Variants in CNOT1 observed in about 807,000 individuals in gnomAD.
CNOT1 encodes the protein CCR4-associated factor 1.
In CNOT1, 15 loss-of-function variants were observed where a neutral mutation model predicts 273.8. The ratio of observed to expected loss-of-function variants is 0.05; its 90% CI spans 0.04 to 0.08. The LOEUF (loss-of-function observed/expected upper bound fraction) is 0.08, where lower values mean the gene tolerates loss of function less well. CNOT1 is among the 10% of genes least tolerant of loss of function. The pLI is 1.00. For missense variants in CNOT1, 1,644 were observed against 2,912.2 expected (o/e 0.56, Z 10.02); for synonymous variants, 1,022 against 1,005.5 (o/e 1.02, Z -0.31).
intron 39 of CNOT1, among the ~76,000 whole-genome samples, chr16:58,535,434 A>C (rs1206005125): frequency 1.3e-5 from 2 of 152,224 alleles, no homozygotes; most frequent in Admixed American, 6.5e-5. Context: ...AAAGGATACA[A>C]AACAGCACAG....
intron 1 of CNOT1, among the ~76,000 whole-genome samples, chr16:58,600,763 C>G (rs924399391): frequency 1.3e-5 from 2 of 152,178 alleles, no homozygotes; most frequent in Non-Finnish European, 2.9e-5. Context: ...ATCAGTTTAA[C>G]TCCAACCACC....
chr16:58,534,521 A>C, intron 39 of CNOT1, 126 bp from the exon 40 acceptor site: 1 of 1,071,030 alleles, frequency 9.3e-7, no homozygotes, highest in Non-Finnish European at 1.3e-6. Context: ...TAATTCTTAC[A>C]TTGTAATAAA....
chr16:58,537,842 A>G (rs1184272070), intron 38 of CNOT1, 49 bp downstream of exon 38: 3 of 1,605,710 alleles, frequency 1.9e-6, no homozygotes, highest in East Asian at 2.2e-5. Context: ...TCCTAAAGAT[A>G]TTAGAAGACT....
At chr16:58,566,157 T>G (rs754065274) in intron 16 of CNOT1, among the ~76,000 whole-genome samples, 6 of 152,214 alleles carry the variant, frequency 3.9e-5, no homozygotes, top group Non-Finnish European at 8.8e-5. Flanking sequence ...CTGAAGTTGT[T>G]TTCCCCCTTT....
At chr16:58,553,733 C>G (rs1281591507) in intron 22 of CNOT1, 49 bp downstream of exon 22, 7 of 1,573,100 alleles carry the variant, frequency 4.4e-6, no homozygotes, top group Non-Finnish European at 6.0e-6. Context: ...ATATTAAACC[C>G]TCCAAATACT....
chr16:58,543,386 C>G (rs1373588479), intron 31 of CNOT1: 26 of 1,524,874 alleles, frequency 1.7e-5, no homozygotes, highest in Non-Finnish European at 2.1e-5. Flanking sequence ...TACTATCTGT[C>G]AAACATCGTG....
At chr16:58,620,653 TAAAAAAAAAA>T (rs200053031) in intron 1 of CNOT1, among the ~76,000 whole-genome samples, 28 of 106,824 alleles carry the variant, frequency 2.6e-4, no homozygotes, top group Admixed American at 9.4e-4. Context: ...CTGTCTCATT[TAAAAAAAAAA>T]AAAAAAAAAA....
intron 23 of CNOT1, 94 bp downstream of exon 23, chr16:58,551,495 G>T: frequency 2.2e-6 from 3 of 1,369,774 alleles, no homozygotes; most frequent in Non-Finnish European, 3.1e-6. Flanking sequence ...TTTTTAGTAG[G>T]CATGTGTTAT....
At position 58,555,280 on chromosome 16, in the gene CNOT1, C is replaced by A. The variant is rs762002808; in HGVS notation, c.2862G>T (p.Gly954=). 18 of 1,614,094 alleles carry A rather than the reference C, an allele frequency of 1.1e-5. 1 individual carries two copies. The Middle Eastern group carries it at 6.6e-4, about 59-fold the overall frequency. Residue 954 remains glycine, a synonymous_variant, in exon 21 of 49, where the codon GGG becomes GGT. Coordinates refer to ENST00000317147, the MANE Select transcript of CNOT1 (RefSeq NM_016284.5). ...KPFGSKMYYF[G]IAALDRFKNR... is the part of the protein sequence containing the mutation. Reference sequence around the variant, plus strand: ...TTTTAAATCTATCTAGTGCAGCAATCCCGAAATAATACATTTTGGATCCAA... The same window carrying A: ...TTTTAAATCTATCTAGTGCAGCAATACCGAAATAATACATTTTGGATCCAA...
At chr16:58,593,276 T>C (rs560492756) in intron 2 of CNOT1, among the ~76,000 whole-genome samples, 12 of 151,860 alleles carry the variant, frequency 7.9e-5, no homozygotes, top group Non-Finnish European at 1.5e-4. Flanking sequence ...ATACAAAAAA[T>C]TGGCCGGGCG....
At chr16:58,621,209 A>C (rs896496287) in intron 1 of CNOT1, among the ~76,000 whole-genome samples, 3 of 151,934 alleles carry the variant, frequency 2.0e-5, no homozygotes, top group Non-Finnish European at 4.4e-5. Flanking sequence ...TGATTTGTAC[A>C]CCTCTGCCTC....
chr16:58,619,410 A>G (rs1218536908), intron 1 of CNOT1, among the ~76,000 whole-genome samples: 3 of 151,714 alleles, frequency 2.0e-5, no homozygotes, highest in South Asian at 2.1e-4. Flanking sequence ...TTTTGGTCAC[A>G]CTAGAGTTTT....
At chr16:58,596,909 A>G (rs899932028) in intron 2 of CNOT1, among the ~76,000 whole-genome samples, 1 of 147,490 alleles carries the variant, frequency 6.8e-6, no homozygotes, top group Non-Finnish European at 1.5e-5. Flanking sequence ...AAAAAAAAAA[A>G]AAAAAAAACA....
In CNOT1 at chr16:58,558,644, T is replaced by G; in HGVS notation, c.2161A>C (p.Ser721Arg). The G allele has an allele frequency of 6.2e-7, 1 of 1,613,764 alleles. No individual in the cohort carries two copies. Among genetic ancestry groups the G allele is most frequent in the Non-Finnish European group, 8.5e-7 (1 of 1,179,894 alleles). The change falls in exon 18 of 49, where the codon AGT (serine) becomes CGT (arginine). Residue 721 changes from serine (S) to arginine (R), a missense_variant. By Grantham distance (110) the Ser-to-Arg change is moderately radical. Coordinates refer to ENST00000317147, the MANE Select transcript of CNOT1 (RefSeq NM_016284.5). ...TGAGGGGCAGCTGAACCACCTATACTAAGAGATGTCATTCCAGCAAGAGGG... is the reference window on the plus strand; with the variant it reads ...TGAGGGGCAGCTGAACCACCTATACGAAGAGATGTCATTCCAGCAAGAGGG... ...IDPLAGMTSL[S>R]IGGSAAPHTQ...
chr16:58,580,611 A>G, intron 12 of CNOT1, 22 bp downstream of exon 12: 2 of 1,596,410 alleles, frequency 1.3e-6, no homozygotes, highest in Admixed American at 3.6e-5. Flanking sequence ...CTTTTAAATG[A>G]AAGATGAATC....
Position 58,550,290 on chromosome 16 carries a change from T to C in CNOT1, c.3343-392A>G, listed in dbSNP as rs143414632. 2.6e-5 allele frequency among the ~76,000 whole-genome samples: 4 copies of C among 152,342 alleles called. 1 individual carries two copies. The highest frequency in any genetic ancestry group is 9.6e-5 in the African/African-American group (4 of 41,586). On this transcript the variant is annotated intron_variant, in intron 24 of 48. Coordinates refer to ENST00000317147, the MANE Select transcript of CNOT1 (RefSeq NM_016284.5). ...AGGAATCCTTAGCTAACTCTGGCGT[T>C]TCCAAGTACAGTTAGTTGACCCTTG...
At chr16:58,566,306 A>G (rs2041040856) in intron 16 of CNOT1, among the ~76,000 whole-genome samples, 1 of 152,238 alleles carries the variant, frequency 6.6e-6, no homozygotes, top group African/African-American at 2.4e-5. Context: ...AGTTGAAATA[A>G]CTTTCCTTCT....
At chr16:58,571,853 C>A (rs1470459635) in intron 16 of CNOT1, among the ~76,000 whole-genome samples, 5 of 152,024 alleles carry the variant, frequency 3.3e-5, no homozygotes, top group Non-Finnish European at 1.5e-5. Flanking sequence ...TGGTGAGCAC[C>A]TGTAATCCCA....
chr16:58,538,096 CACTT>C (rs1387426613), intron 37 of CNOT1, 36 bp from the exon 38 acceptor site: 1 of 1,613,982 alleles, frequency 6.2e-7, no homozygotes, highest in African/African-American at 1.3e-5. Context: ...AGAGGGAAAA[CACTT>C]AAGAGCAAAC....
Sources: gnomAD v4.1 joint callset for allele counts (sites outside exome capture counted in the v4.1 genomes callset) on GRCh38, gnomAD v4.1.1 for gene constraint, MANE v1.5 for transcripts, NCBI Gene and HGNC (gene_info 2026-07-23, HGNC 2026-07-21) for gene names.